CELF2: variants seen among roughly 807,000 people sequenced by gnomAD.
CELF2 encodes CUG triplet repeat RNA-binding protein 2.
CELF2 carries 8 observed loss-of-function variants against 62.6 expected under a neutral mutation model. The observed-to-expected ratio is 0.13, with a 90% CI of 0.07 to 0.23. CELF2 has a LOEUF of 0.23. CELF2 is among the 10% of genes least tolerant of loss of function. The probability of loss-of-function intolerance (pLI) is 1.00; values close to 1 mark genes in which losing one functional copy is unlikely to be tolerated. For missense variants in CELF2, 333 were observed against 671.0 expected (o/e 0.50, Z 5.56); for synonymous variants, 258 against 250.0 (o/e 1.03, Z -0.30).
At chr10:11,258,803 C>T (rs2137910799) in intron 5 of CELF2, among the ~76,000 whole-genome samples, 1 of 152,366 alleles carries the variant, frequency 6.6e-6, no homozygotes, top group South Asian at 2.1e-4. Flanking sequence ...TCCCCTGCCT[C>T]AGCCTCCCGA....
chr10:10,913,858 A>AGAAGGAAG (rs71378770), intron 1 of CELF2, among the ~76,000 whole-genome samples: 6,485 of 101,008 alleles, frequency 0.064, 334 homozygotes, highest in South Asian at 0.13. Flanking sequence ...AGGGAAGGAG[A>AGAAGGAAG]GAAGGAAGGA....
the CELF2 span, among the ~76,000 whole-genome samples, chr10:10,776,067 A>T: frequency 6.6e-6 from 1 of 152,234 alleles, no homozygotes; most frequent in South Asian, 2.1e-4. Context: ...CTCCACTTCA[A>T]AACATCATAT....
chr10:10,935,939 G>T (rs973489509), intron 2 of CELF2, among the ~76,000 whole-genome samples: 2 of 151,712 alleles, frequency 1.3e-5, no homozygotes, highest in Non-Finnish European at 2.9e-5. Flanking sequence ...ATCACCTGAG[G>T]TCAGGAGGTC....
chr10:10,596,350 C>G, the CELF2 span, among the ~76,000 whole-genome samples: 1 of 152,136 alleles, frequency 6.6e-6, no homozygotes, highest in Non-Finnish European at 1.5e-5. Flanking sequence ...GTTTTTGCTT[C>G]CCTGGGTTTA....
the CELF2 span, among the ~76,000 whole-genome samples, chr10:10,645,866 A>C: frequency 6.6e-6 from 1 of 152,156 alleles, no homozygotes; most frequent in South Asian, 2.1e-4. Flanking sequence ...AAGCAACTCT[A>C]TTTTGTGATT....
chr10:10,657,302 C>A, the CELF2 span, among the ~76,000 whole-genome samples: 1 of 151,996 alleles, frequency 6.6e-6, no homozygotes, highest in Non-Finnish European at 1.5e-5. Flanking sequence ...TGCTTGTTTT[C>A]TTTTTGGGAG....
At chr10:10,479,101 T>C in the CELF2 span, among the ~76,000 whole-genome samples, 1 of 152,190 alleles carries the variant, frequency 6.6e-6, no homozygotes, top group Non-Finnish European at 1.5e-5. Flanking sequence ...CTGAGATAGA[T>C]GGAGAATAAA....
chr10:11,234,009 AG>A (rs2069969067), intron 3 of CELF2, among the ~76,000 whole-genome samples: 1 of 152,206 alleles, frequency 6.6e-6, no homozygotes, highest in Non-Finnish European at 1.5e-5. Flanking sequence ...CTGAGTTTGA[AG>A]GGTGAGATCC....
chr10:10,575,747 G>T, the CELF2 span, among the ~76,000 whole-genome samples: 2 of 152,144 alleles, frequency 1.3e-5, no homozygotes, highest in African/African-American at 4.8e-5. Flanking sequence ...AGCTAGAAGT[G>T]TTACAAAGAA....
chr10:10,875,702 G>T (rs2061040919), intron 1 of CELF2, among the ~76,000 whole-genome samples: 1 of 149,818 alleles, frequency 6.7e-6, no homozygotes, highest in Non-Finnish European at 1.5e-5. Flanking sequence ...AAAAGAATCT[G>T]CATTTTTTTT....
At chr10:10,569,883 C>T in the CELF2 span, among the ~76,000 whole-genome samples, 1 of 152,172 alleles carries the variant, frequency 6.6e-6, no homozygotes, top group Non-Finnish European at 1.5e-5. Context: ...TTCAGGAGAA[C>T]TATGACCTTG....
chr10:11,149,124 G>A (rs2062824747), intron 1 of CELF2, among the ~76,000 whole-genome samples: 1 of 152,090 alleles, frequency 6.6e-6, no homozygotes, highest in African/African-American at 2.4e-5. Context: ...AGGCTGGAGT[G>A]CAGTGGTGCG....
At position 11,280,986 on chromosome 10, in the gene CELF2, G is replaced by A. The variant is rs950109651; in HGVS notation, c.841+5866G>A. Among the ~76,000 whole-genome samples, 2 of 137,014 alleles carry A rather than the reference G, an allele frequency of 1.5e-5. No individual in the cohort carries two copies. Among genetic ancestry groups the A allele is most frequent in the African/African-American group, 5.7e-5 (2 of 35,032 alleles). The allele number at this position is 137,014 out of a possible 152,430, so 89.9% of individuals were successfully genotyped here. A position where few individuals can be genotyped will look rare whatever the true frequency, so the allele number is the denominator to read the frequency against. On this transcript the variant is annotated intron_variant, in intron 8 of 12. Coordinates refer to ENST00000633077, the MANE Select transcript of CELF2 (RefSeq NM_001326342.2). The surrounding 1 kb of genome is among the most constrained non-coding windows in gnomAD (Gnocchi z 7.6). Reference sequence around the variant, plus strand: ...TGCTGGCGTGCGTGTGCATGCCTGTGTGCGTGTGTGTGTGTGTGTGTGTGT... The same window carrying A: ...TGCTGGCGTGCGTGTGCATGCCTGTATGCGTGTGTGTGTGTGTGTGTGTGT...
the CELF2 span, among the ~76,000 whole-genome samples, chr10:10,732,666 G>T: frequency 3.3e-5 from 5 of 152,010 alleles, no homozygotes; most frequent in Non-Finnish European, 5.9e-5. Context: ...TGGGATTACA[G>T]GCACCCACCA....
At chr10:10,525,075 G>T in the CELF2 span, among the ~76,000 whole-genome samples, 3 of 152,162 alleles carry the variant, frequency 2.0e-5, no homozygotes, top group Admixed American at 2.0e-4. Flanking sequence ...TGCATACGTT[G>T]TGGAATGATT....
At chr10:10,709,281 A>T in the CELF2 span, among the ~76,000 whole-genome samples, 2 of 152,254 alleles carry the variant, frequency 1.3e-5, no homozygotes, top group Non-Finnish European at 2.9e-5. Flanking sequence ...ATTAACATTC[A>T]GAAGGAATGG....
the CELF2 span, among the ~76,000 whole-genome samples, chr10:10,690,097 C>A: frequency 6.6e-6 from 1 of 152,154 alleles, no homozygotes; most frequent in East Asian, 1.9e-4. Flanking sequence ...TACTGTTTCT[C>A]TTTGTATCAT....
chr10:11,093,430 A>G (rs114231628), intron 1 of CELF2, among the ~76,000 whole-genome samples: 4,776 of 152,278 alleles, frequency 0.031, 253 homozygotes, highest in African/African-American at 0.11. Flanking sequence ...ATGTAAGTCA[A>G]TCTGTGGCAT....
chr10:10,599,588 A>G, the CELF2 span, among the ~76,000 whole-genome samples: 1 of 152,328 alleles, frequency 6.6e-6, no homozygotes, highest in South Asian at 2.1e-4. Flanking sequence ...ATGAGCCTAC[A>G]AAGGAGATAA....
Sources: gnomAD v4.1 joint callset for allele counts (sites outside exome capture counted in the v4.1 genomes callset) on GRCh38, gnomAD v4.1.1 for gene constraint, Gnocchi (gnomAD v3.1) non-coding constraint, MANE v1.5 for transcripts, NCBI Gene and HGNC (gene_info 2026-07-23, HGNC 2026-07-21) for gene names.